The following MB21D2 variants were observed in gnomAD, a reference collection of about 807,000 sequenced individuals.
The protein encoded by MB21D2 is Mab-21 domain containing 2.
MB21D2 carries 9 observed loss-of-function variants against 33.3 expected under a neutral mutation model. The ratio of observed to expected loss-of-function variants is 0.27; its 90% CI spans 0.16 to 0.47. The LOEUF (loss-of-function observed/expected upper bound fraction) is 0.47, where lower values mean the gene tolerates loss of function less well. MB21D2 is among the 20% of genes least tolerant of loss of function. MB21D2 has a pLI of 0.99. For missense variants in MB21D2, 540 were observed against 624.6 expected, an observed-to-expected ratio of 0.86 and a Z score of 1.44; for synonymous variants, 241 against 236.3, an observed-to-expected ratio of 1.02 and a Z score of -0.18.
intron 1 of MB21D2, among the ~76,000 whole-genome samples, chr3:192,907,383 G>A (rs1022368036): frequency 2.6e-5 from 4 of 152,074 alleles, no homozygotes; most frequent in Non-Finnish European, 4.4e-5. Context: ...ATGAAACCTC[G>A]CATCCCTCCC....
At chr3:192,865,563 C>T (rs1029348485) in intron 1 of MB21D2, among the ~76,000 whole-genome samples, 4 of 152,202 alleles carry the variant, frequency 2.6e-5, no homozygotes, top group African/African-American at 9.7e-5. Flanking sequence ...AAATTAACCA[C>T]ACCTCTGCAT....
chr3:192,904,911 C>G (rs1213823505), intron 1 of MB21D2, among the ~76,000 whole-genome samples: 2 of 152,194 alleles, frequency 1.3e-5, no homozygotes, highest in Non-Finnish European at 2.9e-5. Flanking sequence ...CAGCTCTGAC[C>G]TAGGTGGACC....
intron 1 of MB21D2, among the ~76,000 whole-genome samples, chr3:192,898,878 A>C (rs1183333877): frequency 1.3e-5 from 2 of 152,248 alleles, no homozygotes; most frequent in East Asian, 3.9e-4. Flanking sequence ...CTCACGGATC[A>C]GTAAGAGTTA....
At chr3:192,846,752 A>T (rs1274691174) in intron 1 of MB21D2, among the ~76,000 whole-genome samples, 1 of 152,198 alleles carries the variant, frequency 6.6e-6, no homozygotes, top group Non-Finnish European at 1.5e-5. Flanking sequence ...CCTAGAATAA[A>T]CAAAGCCAAG....
intron 1 of MB21D2, among the ~76,000 whole-genome samples, chr3:192,820,691 G>A (rs935110046): frequency 5.3e-5 from 8 of 152,192 alleles, no homozygotes; most frequent in Non-Finnish European, 1.0e-4. Context: ...CAGATGCTCC[G>A]CTGCCTCGTT....
intron 1 of MB21D2, among the ~76,000 whole-genome samples, chr3:192,898,986 G>A (rs541391553): frequency 1.3e-5 from 2 of 152,346 alleles, no homozygotes; most frequent in South Asian, 4.1e-4. Flanking sequence ...GTTGAAATGA[G>A]AGTAAGAGCT....
At position 192,894,303 on chromosome 3, in the gene MB21D2, G is replaced by T. The variant is rs566301372; in HGVS notation, c.211+23327C>A. Among the ~76,000 whole-genome samples, 54 of 151,802 alleles carry T rather than the reference G, an allele frequency of 3.6e-4. No homozygotes were observed. In the East Asian group the frequency reaches 8.9e-3, roughly 25 times the overall value. ...ACCACCATGCCTGGCTGATTTTTTT[G>T]TATTTTTAATAGAGACGAGGCTTCA... On this transcript the variant is annotated intron_variant, in intron 1 of 1. Transcript: ENST00000392452.
chr3:192,813,623 T>G (rs1222546117), intron 1 of MB21D2, among the ~76,000 whole-genome samples: 1 of 152,172 alleles, frequency 6.6e-6, no homozygotes, highest in South Asian at 2.1e-4. Context: ...TCTAGAATTC[T>G]CATTGTAGGG....
At chr3:192,872,346 G>A (rs1228127532) in intron 1 of MB21D2, among the ~76,000 whole-genome samples, 1 of 152,148 alleles carries the variant, frequency 6.6e-6, no homozygotes, top group Admixed American at 6.5e-5. Context: ...GGAGGCCGAG[G>A]CGGGCAGATC....
chr3:192,895,476 A>C (rs1030881621), intron 1 of MB21D2, among the ~76,000 whole-genome samples: 1 of 152,236 alleles, frequency 6.6e-6, no homozygotes, highest in African/African-American at 2.4e-5. Flanking sequence ...CAATCAATGA[A>C]GCCAACGACT....
At chr3:192,845,934 T>G (rs181217380) in intron 1 of MB21D2, among the ~76,000 whole-genome samples, 1 of 133,078 alleles carries the variant, frequency 7.5e-6, no homozygotes, top group East Asian at 1.9e-4. Context: ...AAAAATAACT[T>G]AACTGGGCAT....
intron 1 of MB21D2, among the ~76,000 whole-genome samples, chr3:192,880,647 A>G (rs1022926689): frequency 6.6e-6 from 1 of 152,074 alleles, no homozygotes; most frequent in Non-Finnish European, 1.5e-5. Context: ...CAAGGAGCTG[A>G]CAGCTAGCAA....
intron 1 of MB21D2, among the ~76,000 whole-genome samples, chr3:192,893,511 A>G (rs1287139733): frequency 6.6e-6 from 1 of 152,224 alleles, no homozygotes; most frequent in East Asian, 1.9e-4. Flanking sequence ...TTAGCTGAAG[A>G]TGACACAGTA....
At chr3:192,861,153 G>A (rs922573697) in intron 1 of MB21D2, among the ~76,000 whole-genome samples, 1 of 152,156 alleles carries the variant, frequency 6.6e-6, no homozygotes, top group African/African-American at 2.4e-5. Context: ...ATTTTACAAA[G>A]TACTTTCTCC....
intron 1 of MB21D2, among the ~76,000 whole-genome samples, chr3:192,905,516 A>C (rs908647417): frequency 1.3e-5 from 2 of 151,850 alleles, no homozygotes; most frequent in Admixed American, 1.3e-4. Flanking sequence ...AGGCGCCTGT[A>C]ATCACAGCTA....
intron 1 of MB21D2, among the ~76,000 whole-genome samples, chr3:192,810,456 G>T (rs1711760777): frequency 6.7e-6 from 1 of 149,260 alleles, no homozygotes. Context: ...GCTTTAAAAT[G>T]ATCCCAATTT....
chr3:192,901,922 C>T (rs569356385), intron 1 of MB21D2, among the ~76,000 whole-genome samples: 53 of 152,216 alleles, frequency 3.5e-4, no homozygotes, highest in Non-Finnish European at 6.3e-4. Flanking sequence ...GGGGGGAAAG[C>T]CTGCATCTTC....
chr3:192,840,734 T>C (rs994919421), intron 1 of MB21D2, among the ~76,000 whole-genome samples: 8 of 152,126 alleles, frequency 5.3e-5, no homozygotes, highest in Admixed American at 5.2e-4. Context: ...GTCAGATAAA[T>C]CAGAGGCTTT....
rs1714495394 is a variant in MB21D2, at chr3:192,917,515, C to A, written c.211+115G>T. 6 of 1,072,402 alleles carry A rather than the reference C, an allele frequency of 5.6e-6. No homozygotes were observed. The African/African-American group carries it at 7.8e-5, about 14-fold the overall frequency. The allele number at this position is 1,072,402 out of a possible 1,614,324, so 66.4% of individuals were successfully genotyped here. The stretch of plus-strand genomic sequence containing the variant: ...ACAGAGATGGCTTATACCCAAGGCA[C>A]CGGCTCGGGAAGGCAACCCAGAAGG... On this transcript the variant is annotated intron_variant, in intron 1 of 1. Transcript: ENST00000392452.
Sources: allele counts gnomAD v4.1 joint callset (sites outside exome capture counted in the v4.1 genomes callset), GRCh38; gene constraint gnomAD v4.1.1; transcripts MANE v1.5; gene names NCBI Gene and HGNC (gene_info 2026-07-23, HGNC 2026-07-21).